The following PTGR2 variants were observed in gnomAD, a reference collection of about 807,000 sequenced individuals.
PTGR2 encodes prostaglandin reductase 2, also known as 15-oxoprostaglandin 13-reductase.
A neutral mutation model predicts 43.4 loss-of-function variants in PTGR2; 32 were observed. The ratio of observed to expected loss-of-function variants is 0.74; its 90% CI spans 0.56 to 0.99. The LOEUF is 0.99. Ranked by LOEUF, PTGR2 falls within the 50% of genes least tolerant of loss-of-function variation. The probability of loss-of-function intolerance (pLI) is 0.00; values close to 1 mark genes in which losing one functional copy is unlikely to be tolerated. For synonymous variants in PTGR2, 106 were observed against 139.2 expected (o/e 0.76, Z 1.68); for missense variants, 373 against 420.0 (o/e 0.89, Z 0.98).
chr14:73,856,661 C>T (rs2054354229), intron 1 of PTGR2, among the ~76,000 whole-genome samples: 1 of 152,168 alleles, frequency 6.6e-6, no homozygotes, highest in South Asian at 2.1e-4. Flanking sequence ...AGCAACATGC[C>T]ATATAGGTTT....
At chr14:73,882,517 T>G in intron 9 of PTGR2, 79 bp downstream of exon 9, 5 of 1,057,224 alleles carry the variant, frequency 4.7e-6, no homozygotes, top group Non-Finnish European at 5.7e-6. Context: ...TTATTTATTT[T>G]TGAGACGGAG....
intron 3 of PTGR2, among the ~76,000 whole-genome samples, chr14:73,866,844 T>A (rs1394539471): frequency 6.6e-6 from 1 of 151,784 alleles, no homozygotes; most frequent in African/African-American, 2.4e-5. Context: ...ATCCCAGCAC[T>A]TTGGGAGGCT....
chr14:73,873,261 C>T (rs759384862), intron 3 of PTGR2, among the ~76,000 whole-genome samples: 3 of 151,586 alleles, frequency 2.0e-5, no homozygotes, highest in African/African-American at 7.3e-5. Flanking sequence ...GAGCCTAGAT[C>T]GCGTCATTGT....
intron 3 of PTGR2, among the ~76,000 whole-genome samples, chr14:73,871,107 C>T (rs974106730): frequency 6.6e-6 from 1 of 152,146 alleles, no homozygotes; most frequent in Admixed American, 6.5e-5. Flanking sequence ...CACCTTACCT[C>T]CAGGTAGGGG....
chr14:73,857,674 T>TTTGTTTTTTTTTG, intron 1 of PTGR2, among the ~76,000 whole-genome samples: 1 of 124,646 alleles, frequency 8.0e-6, no homozygotes, highest in South Asian at 3.2e-4. Context: ...GTTTTTTTTT[T>TTTGTTTTTTTTTG]TTTTTTTTTT....
chr14:73,865,638 C>T (rs924331710), intron 3 of PTGR2, among the ~76,000 whole-genome samples: 1 of 152,156 alleles, frequency 6.6e-6, no homozygotes, highest in Non-Finnish European at 1.5e-5. Context: ...AAGTGATTCT[C>T]CTGTCTCAGA....
At chr14:73,873,655 G>C (rs912921001) in intron 3 of PTGR2, among the ~76,000 whole-genome samples, 1 of 151,066 alleles carries the variant, frequency 6.6e-6, no homozygotes, top group Non-Finnish European at 1.5e-5. Flanking sequence ...GCAGAGATGG[G>C]GTTTCACCAT....
At chr14:73,859,471 C>T (rs2054435987) in intron 2 of PTGR2, among the ~76,000 whole-genome samples, 2 of 152,020 alleles carry the variant, frequency 1.3e-5, no homozygotes, top group South Asian at 4.1e-4. Flanking sequence ...TTGCATTAAA[C>T]ATATCTGAAT....
At chr14:73,866,388 C>G (rs2054597345) in intron 3 of PTGR2, among the ~76,000 whole-genome samples, 1 of 152,136 alleles carries the variant, frequency 6.6e-6, no homozygotes. Flanking sequence ...CCTCCCGCCT[C>G]AGCCTCCCAA....
intron 3 of PTGR2, among the ~76,000 whole-genome samples, chr14:73,864,364 C>T (rs2054557010): frequency 6.6e-6 from 1 of 152,180 alleles, no homozygotes; most frequent in Non-Finnish European, 1.5e-5. Context: ...TGAGGAACTA[C>T]CGAACTATTT....
At chr14:73,858,269 C>T (rs1267829117) in intron 1 of PTGR2, 1 of 150,834 alleles carries the variant, frequency 6.6e-6, no homozygotes, top group Non-Finnish European at 1.5e-5. Context: ...TCTTGCCCCA[C>T]TAGGGCCGGG....
At position 73,860,651 on chromosome 14, in the gene PTGR2, T is replaced by G; in HGVS notation, c.150T>G (p.Pro50=). Residue 50 remains proline (P), a synonymous_variant, in exon 3 of 10, where the codon CCT becomes CCG. Transcript: ENST00000555661. ...QVRTLYLSVD[P]YMRCRMNEDT... ...GAACTCTTTATCTTTCTGTGGATCC[T>G]TACATGGTAAGAATCAGGATGTTGT... is the stretch of plus-strand genomic sequence containing the variant. The G allele has an allele frequency of 2.3e-6, 3 of 1,324,874 alleles. No homozygotes were observed. Among genetic ancestry groups the G allele is most frequent in the Non-Finnish European group, 3.2e-6 (3 of 933,528 alleles). 82.1% of individuals were successfully genotyped at this position (1,324,874 alleles called of 1,614,324 possible).
intron 4 of PTGR2, among the ~76,000 whole-genome samples, chr14:73,876,397 C>T (rs2054865287): frequency 1.3e-5 from 2 of 151,816 alleles, no homozygotes; most frequent in Admixed American, 6.6e-5. Context: ...AGATGGCTGC[C>T]TTCTTGCTGT....
chr14:73,860,702 T>G, intron 3 of PTGR2, 45 bp downstream of exon 3: 1 of 943,654 alleles, frequency 1.1e-6, no homozygotes, highest in Non-Finnish European at 1.7e-6. Flanking sequence ...AACTTTATTT[T>G]ATTATTTTTC....
intron 3 of PTGR2, among the ~76,000 whole-genome samples, chr14:73,866,403 C>T (rs2054597730): frequency 1.3e-5 from 2 of 152,134 alleles, no homozygotes; most frequent in African/African-American, 4.8e-5. Context: ...TCCCAAAGTG[C>T]TGGGATTACA....
At position 73,860,720 on chromosome 14, in the gene PTGR2, A is replaced by G. The variant is rs1207670877; in HGVS notation, c.156+63A>G. On this transcript the variant is annotated intron_variant, in intron 3 of 9. Coordinates refer to ENST00000555661, the MANE Select transcript of PTGR2 (RefSeq NM_001146154.2). Reference sequence around the variant, plus strand: ...TTTATTTTATTATTTTTCATGTTGTATCTGAATCTTATTGTGCAGTCCCTT... The same window carrying G: ...TTTATTTTATTATTTTTCATGTTGTGTCTGAATCTTATTGTGCAGTCCCTT... 11 of 845,450 alleles carry G rather than the reference A, an allele frequency of 1.3e-5. 1 individual carries two copies. The highest frequency in any genetic ancestry group is 3.0e-5 in the South Asian group (2 of 67,722). The allele number at this position is 845,450 out of a possible 1,614,324, so 52.4% of individuals were successfully genotyped here. A position where few individuals can be genotyped will look rare whatever the true frequency, so the allele number is the denominator to read the frequency against.
intron 4 of PTGR2, among the ~76,000 whole-genome samples, chr14:73,874,901 C>T (rs34859361): frequency 0.11 from 17,178 of 152,226 alleles, 1,268 homozygotes; most frequent in Admixed American, 0.19. Flanking sequence ...CGGCGTCTCA[C>T]TCTGTCACCC....
intron 4 of PTGR2, among the ~76,000 whole-genome samples, chr14:73,875,820 CTTTT>C (rs953891690): frequency 8.5e-5 from 8 of 94,392 alleles, no homozygotes; most frequent in East Asian, 3.1e-4. Context: ...TTAAAAGTTT[CTTTT>C]TTTTTTTTTT....
At chr14:73,859,171 AG>A (rs1431127719) in intron 2 of PTGR2, among the ~76,000 whole-genome samples, 2 of 152,188 alleles carry the variant, frequency 1.3e-5, no homozygotes, top group Non-Finnish European at 2.9e-5. Flanking sequence ...AATGTCTGAA[AG>A]GTTACATTAC....
Sources: gnomAD v4.1 joint callset for allele counts (sites outside exome capture counted in the v4.1 genomes callset) on GRCh38, gnomAD v4.1.1 for gene constraint, MANE v1.5 for transcripts, NCBI Gene and HGNC (gene_info 2026-07-23, HGNC 2026-07-21) for gene names.